ROBO2: variants seen among roughly 807,000 people sequenced by gnomAD.
ROBO2 encodes the protein roundabout homolog 2.
A neutral mutation model predicts 160.8 loss-of-function variants in ROBO2; 53 were observed. The observed-to-expected ratio is 0.33, with a 90% CI of 0.26 to 0.41. The LOEUF is 0.41. Among genes scored for constraint, ROBO2 ranks in the 10% least tolerant of loss-of-function variants. The pLI is 1.00. For synonymous variants in ROBO2, 664 were observed against 611.7 expected (o/e 1.09, Z -1.26); for missense variants, 1,577 against 1,722.4 (o/e 0.92, Z 1.49).
intron 2 of ROBO2, among the ~76,000 whole-genome samples, chr3:75,940,116 T>G (rs1288248118): frequency 6.6e-6 from 1 of 152,186 alleles, no homozygotes; most frequent in Non-Finnish European, 1.5e-5. Context: ...TTCATATTTA[T>G]GAATAGACTA....
At chr3:76,428,103 C>A (rs2076291041) in intron 2 of ROBO2, among the ~76,000 whole-genome samples, 1 of 151,720 alleles carries the variant, frequency 6.6e-6, no homozygotes, top group African/African-American at 2.4e-5. Flanking sequence ...AAATAAAGAA[C>A]CAGGTGGTAT....
intron 2 of ROBO2, among the ~76,000 whole-genome samples, chr3:76,663,177 G>C (rs964072620): frequency 6.6e-6 from 1 of 152,152 alleles, no homozygotes; most frequent in Non-Finnish European, 1.5e-5. Context: ...GAAAAGAAGA[G>C]ATCAGGGATG....
intron 2 of ROBO2, among the ~76,000 whole-genome samples, chr3:76,470,754 T>C (rs758393589): frequency 4.5e-4 from 68 of 152,146 alleles, no homozygotes; most frequent in Non-Finnish European, 1.8e-4. Context: ...ACTGAGAGTA[T>C]GGTTCTTTTG....
rs568679072 is a variant in ROBO2 at position 76,215,247 on chromosome 3, C to T, written c.109+277645C>T. The stretch of plus-strand genomic sequence containing the variant: ...CAGAAAAACCGGAAACTCTAAAAAT[C>T]GAGCACCTCTCCTCCTCCAAAGGAA... On this transcript the variant is annotated intron_variant, in intron 2 of 26. Transcript: ENST00000487694. 5.9e-5 allele frequency among the ~76,000 whole-genome samples: 9 copies of T among 152,244 alleles called. No homozygotes were observed. The South Asian group carries it at 1.2e-3, about 21-fold the overall frequency.
chr3:76,737,440 C>A (rs974780137), intron 2 of ROBO2, among the ~76,000 whole-genome samples: 1 of 151,698 alleles, frequency 6.6e-6, no homozygotes, highest in African/African-American at 2.4e-5. Flanking sequence ...CAATAGGAAA[C>A]AAACAATATG....
intron 2 of ROBO2, among the ~76,000 whole-genome samples, chr3:76,414,842 A>G (rs1175355633): frequency 6.6e-6 from 1 of 152,166 alleles, no homozygotes; most frequent in Non-Finnish European, 1.5e-5. Context: ...AGCAACAAAA[A>G]AAATTATTCT....
intron 2 of ROBO2, among the ~76,000 whole-genome samples, chr3:76,763,855 C>G (rs1017298140): frequency 1.3e-5 from 2 of 151,760 alleles, no homozygotes; most frequent in African/African-American, 4.8e-5. Flanking sequence ...GGCTCTATTG[C>G]ATTGAGCCTG....
intron 2 of ROBO2, among the ~76,000 whole-genome samples, chr3:77,235,482 C>T (rs1335553756): frequency 6.6e-6 from 1 of 151,796 alleles, no homozygotes. Flanking sequence ...TTAATGATGT[C>T]AACAGAATTT....
chr3:77,380,371 C>A (rs1423373276), intron 2 of ROBO2, among the ~76,000 whole-genome samples: 1 of 152,090 alleles, frequency 6.6e-6, no homozygotes, highest in Non-Finnish European at 1.5e-5. Context: ...AGCCTATTAT[C>A]GTTCCTCTCT....
chr3:76,615,139 G>T (rs1050633767), intron 2 of ROBO2, among the ~76,000 whole-genome samples: 1 of 152,112 alleles, frequency 6.6e-6, no homozygotes, highest in Admixed American at 6.6e-5. Context: ...AAGTGGGATA[G>T]TTTTTTATGT....
At chr3:76,486,309 G>T (rs757985128) in intron 2 of ROBO2, among the ~76,000 whole-genome samples, 13 of 152,144 alleles carry the variant, frequency 8.5e-5, no homozygotes, top group Non-Finnish European at 1.3e-4. Flanking sequence ...AGAGCCCTTA[G>T]AGTGATTCTA....
At chr3:76,668,335 T>G (rs893987464) in intron 2 of ROBO2, among the ~76,000 whole-genome samples, 1 of 152,046 alleles carries the variant, frequency 6.6e-6, no homozygotes, top group African/African-American at 2.4e-5. Context: ...CTCAATCTCC[T>G]GGGCTCAAGT....
intron 2 of ROBO2, among the ~76,000 whole-genome samples, chr3:76,663,232 T>C (rs1046259938): frequency 2.0e-5 from 3 of 152,144 alleles, no homozygotes; most frequent in Admixed American, 1.3e-4. Context: ...ATTGGTACCA[T>C]CAACAGACAA....
At chr3:76,645,589 GAA>G (rs770137348) in intron 2 of ROBO2, among the ~76,000 whole-genome samples, 35 of 152,316 alleles carry the variant, frequency 2.3e-4, no homozygotes, top group Middle Eastern at 3.4e-3. Context: ...GAGAGAGAGA[GAA>G]TAAGAGAGTG....
intron 16 of ROBO2, among the ~76,000 whole-genome samples, chr3:77,584,727 G>T (rs979818483): frequency 1.3e-5 from 2 of 151,788 alleles, no homozygotes; most frequent in Admixed American, 1.3e-4. Context: ...TCCTTAACCT[G>T]AGGGAAACCT....
intron 1 of ROBO2, among the ~76,000 whole-genome samples, chr3:77,078,744 T>C (rs577475331): frequency 1.3e-5 from 2 of 152,110 alleles, no homozygotes; most frequent in South Asian, 4.1e-4. Context: ...TGTCACTGGC[T>C]GTCTTAGGGC....
At chr3:76,913,629 G>T (rs113359719) in intron 2 of ROBO2, among the ~76,000 whole-genome samples, 1 of 152,158 alleles carries the variant, frequency 6.6e-6, no homozygotes, top group African/African-American at 2.4e-5. Context: ...ATAAATTAAT[G>T]CATTGTAGAT....
intron 2 of ROBO2, among the ~76,000 whole-genome samples, chr3:77,117,855 AT>A (rs965914824): frequency 2.0e-5 from 3 of 152,160 alleles, no homozygotes; most frequent in Non-Finnish European, 4.4e-5. Context: ...TCATAAAAAT[AT>A]TTTTGAAGCT....
At chr3:77,085,005 G>A (rs2149966217) in intron 1 of ROBO2, among the ~76,000 whole-genome samples, 1 of 152,108 alleles carries the variant, frequency 6.6e-6, no homozygotes, top group East Asian at 1.9e-4. Flanking sequence ...GAAATTTAAA[G>A]TTTTATTAAA....
Sources: allele counts gnomAD v4.1 joint callset (sites outside exome capture counted in the v4.1 genomes callset), GRCh38; gene constraint gnomAD v4.1.1; transcripts MANE v1.5; gene names NCBI Gene and HGNC (gene_info 2026-07-23, HGNC 2026-07-21).